The following PRH1 variants were observed in gnomAD, a reference collection of about 807,000 sequenced individuals.
PRH1 encodes salivary acidic proline-rich phosphoprotein 1/2.
A neutral mutation model predicts 7.9 loss-of-function variants in PRH1; 7 were observed. The ratio of observed to expected loss-of-function variants is 0.89; its 90% CI spans 0.50 to 1.67. The LOEUF is 1.67. Ranked by LOEUF, PRH1 falls within the 40% of genes most tolerant of loss-of-function variation. The pLI is 0.00. For synonymous variants in PRH1, 45 were observed against 80.8 expected, an observed-to-expected ratio of 0.56 and a Z score of 2.38; for missense variants, 109 against 223.6, an observed-to-expected ratio of 0.49 and a Z score of 3.27.
chr12:11,142,887 C>T (rs1361523632), intron 1 of PRH1, among the ~76,000 whole-genome samples: 1 of 152,028 alleles, frequency 6.6e-6, no homozygotes, highest in East Asian at 1.9e-4. Flanking sequence ...AAGACTTTTC[C>T]AAACCAACAA....
chr12:10,931,821 T>G (rs888435014), intron 2 of PRH1, among the ~76,000 whole-genome samples: 1 of 151,094 alleles, frequency 6.6e-6, no homozygotes, highest in African/African-American at 2.4e-5. Context: ...ATTGGTTAGT[T>G]TTTTTTTTTA....
intron 2 of PRH1, among the ~76,000 whole-genome samples, chr12:10,961,877 A>G (rs11054084): frequency 0.24 from 35,898 of 152,078 alleles, 4,312 homozygotes; most frequent in Non-Finnish European, 0.25. Flanking sequence ...CTGGGGTCCA[A>G]GTGCATGCAT....
At chr12:11,155,256 A>T (rs899150202) in intron 1 of PRH1, among the ~76,000 whole-genome samples, 2 of 152,186 alleles carry the variant, frequency 1.3e-5, no homozygotes, top group Non-Finnish European at 2.9e-5. Context: ...CTTGGATCCA[A>T]ATGCCAACTT....
upstream of PRH1, among the ~76,000 whole-genome samples, chr12:11,047,374 T>C (rs746214100): frequency 6.6e-6 from 1 of 151,310 alleles, no homozygotes. Flanking sequence ...CCTGTTTACA[T>C]TGAGTTTATT....
chr12:10,964,740 GT>G, intron 2 of PRH1: 1 of 662,032 alleles, frequency 1.5e-6, no homozygotes, highest in Admixed American at 1.9e-5. Context: ...TTCTTGAGAT[GT>G]TTACACAAAG....
chr12:10,900,679 C>T (rs960582007), intron 2 of PRH1, among the ~76,000 whole-genome samples: 1 of 152,222 alleles, frequency 6.6e-6, no homozygotes, highest in Non-Finnish European at 1.5e-5. Flanking sequence ...CTGGGTACCC[C>T]ACCCTGTTCC....
At chr12:10,942,841 G>T (rs545522183) in intron 2 of PRH1, among the ~76,000 whole-genome samples, 3 of 152,270 alleles carry the variant, frequency 2.0e-5, no homozygotes, top group African/African-American at 7.2e-5. Flanking sequence ...CACAGGAATA[G>T]CCTGCTTGAG....
chr12:11,064,411 T>C (rs1358356419), intron 1 of PRH1, among the ~76,000 whole-genome samples: 1 of 151,552 alleles, frequency 6.6e-6, no homozygotes, highest in Admixed American at 6.6e-5. Flanking sequence ...GATTGATCTA[T>C]CCTTAATATA....
chr12:10,989,689 C>A (rs1344802926), intron 1 of PRH1, among the ~76,000 whole-genome samples: 1 of 152,034 alleles, frequency 6.6e-6, no homozygotes, highest in Non-Finnish European at 1.5e-5. Context: ...ATTTATTATT[C>A]CTTCATGCAT....
chr12:10,963,346 A>G (rs968009986), intron 2 of PRH1, among the ~76,000 whole-genome samples: 2 of 152,214 alleles, frequency 1.3e-5, no homozygotes, highest in Non-Finnish European at 2.9e-5. Context: ...GTCATTTCCT[A>G]TCATCAATAC....
intron 1 of PRH1, among the ~76,000 whole-genome samples, chr12:11,149,070 G>A (rs1592108023): frequency 6.6e-6 from 1 of 151,622 alleles, no homozygotes; most frequent in Non-Finnish European, 1.5e-5. Context: ...TAGTTTATTT[G>A]CGTAGAGGTG....
chr12:10,955,864 C>A (rs1937928820), intron 2 of PRH1, among the ~76,000 whole-genome samples: 1 of 152,052 alleles, frequency 6.6e-6, no homozygotes, highest in Non-Finnish European at 1.5e-5. Context: ...TACAACCTTT[C>A]AAGACTGAAT....
At chr12:11,093,019 G>A (rs1398424931) in intron 1 of PRH1, among the ~76,000 whole-genome samples, 1 of 115,596 alleles carries the variant, frequency 8.7e-6, no homozygotes, top group East Asian at 2.1e-4. Flanking sequence ...TGAAATTGAC[G>A]TGAGACCTGA....
intron 2 of PRH1, chr12:10,965,486 T>G (rs1938458695): frequency 2.8e-6 from 1 of 359,702 alleles, no homozygotes. Context: ...TTTCAAATAC[T>G]GTGACCAGTG....
chr12:11,141,099 G>A (rs565725215), intron 1 of PRH1, among the ~76,000 whole-genome samples: 3 of 151,960 alleles, frequency 2.0e-5, no homozygotes, highest in Non-Finnish European at 4.4e-5. Context: ...AGGAATTATT[G>A]TCCTATAATT....
At position 10,969,638 on chromosome 12, in the gene PRH1, T is replaced by TG. The variant is rs199980386; in HGVS notation, c.-59+4016dup. 3.4e-4 allele frequency among the ~76,000 whole-genome samples: 52 copies of TG among 151,866 alleles called. No individual in the cohort carries two copies. In the East Asian group the frequency reaches 8.1e-3, roughly 24 times the overall value. ...AATAGCACCTGCTCTTTGGTTTTTC[T>TG]GTTTTTTTGTTTTTTTGCATTTTCA... On this transcript the variant is annotated intron_variant, in intron 2 of 3. Transcript: ENST00000539853.
At chr12:10,962,851 G>A (rs1938309665) in intron 2 of PRH1, among the ~76,000 whole-genome samples, 1 of 152,134 alleles carries the variant, frequency 6.6e-6, no homozygotes, top group Non-Finnish European at 1.5e-5. Context: ...CTCACTGCAA[G>A]CTCCGCCTCC....
intron 1 of PRH1, among the ~76,000 whole-genome samples, chr12:10,991,030 A>C (rs1052480957): frequency 1.3e-5 from 2 of 152,200 alleles, no homozygotes; most frequent in African/African-American, 4.8e-5. Context: ...CATCCAAATG[A>C]AGATGTCAAA....
intron 2 of PRH1, among the ~76,000 whole-genome samples, chr12:10,951,637 C>T (rs1280479827): frequency 2.6e-5 from 4 of 152,114 alleles, no homozygotes; most frequent in African/African-American, 7.2e-5. Flanking sequence ...ACTGATCTCG[C>T]ATCCTTAGGC....
Sources: gnomAD v4.1 joint callset for allele counts (sites outside exome capture counted in the v4.1 genomes callset) on GRCh38, gnomAD v4.1.1 for gene constraint, MANE v1.5 for transcripts, NCBI Gene and HGNC (gene_info 2026-07-23, HGNC 2026-07-21) for gene names.